The following TCTN1 variants were observed in gnomAD, a reference collection of about 807,000 sequenced individuals.
The protein encoded by TCTN1 is tectonic-1.
TCTN1 carries 58 observed loss-of-function variants against 65.8 expected under a neutral mutation model. That is an observed-to-expected ratio of 0.88 (90% CI 0.71 to 1.10). The LOEUF is 1.10. TCTN1 is among the 50% of genes least tolerant of loss of function. TCTN1 has a pLI of 0.00. For synonymous variants in TCTN1, 273 were observed against 289.1 expected (o/e 0.94, Z 0.57); for missense variants, 645 against 719.4 (o/e 0.90, Z 1.18).
Position 110,641,547 on chromosome 12 carries a change from T to G in TCTN1, c.1110T>G (p.Asn370Lys). 6.2e-7 allele frequency: 1 copy of G among 1,614,188 alleles called. No homozygotes were observed. Among genetic ancestry groups the G allele is most frequent in the Non-Finnish European group, 8.5e-7 (1 of 1,179,986 alleles). Residue 370 changes from asparagine (N) to lysine (K), a missense_variant, in exon 10 of 15, where the codon AAT (asparagine) becomes AAG (lysine). Transcript: ENST00000397659. ...ATTTCTGCATTGTCTTTCAGGAAAA[T>G]ACCCAGCCAGTCCCTCTCAGTGGAA... ...QKFEIHFLQE[N>K]TQPVPLSGNP...
At chr12:110,618,527 C>T (rs1362611182) in intron 1 of TCTN1, among the ~76,000 whole-genome samples, 1 of 152,142 alleles carries the variant, frequency 6.6e-6, no homozygotes, top group African/African-American at 2.4e-5. Context: ...GCATGAACCA[C>T]CGCGCCCAGC....
At chr12:110,647,952 G>A in intron 14 of TCTN1, 59 bp downstream of exon 14, 8 of 1,607,384 alleles carry the variant, frequency 5.0e-6, no homozygotes, top group Non-Finnish European at 6.8e-6. Context: ...GTGTGCACGT[G>A]GGGCTAGAAG....
At chr12:110,642,761 C>CT (rs879321477) in intron 11 of TCTN1, among the ~76,000 whole-genome samples, 397 of 142,482 alleles carry the variant, frequency 2.8e-3, no homozygotes, top group African/African-American at 5.5e-3. Context: ...CCACATCCGG[C>CT]TTTTTTTTTT....
chr12:110,624,754 G>T (rs1446656494), intron 2 of TCTN1, among the ~76,000 whole-genome samples: 1 of 151,490 alleles, frequency 6.6e-6, no homozygotes, highest in Admixed American at 6.6e-5. Flanking sequence ...ATTTATTTTT[G>T]TATTTTTAGT....
In TCTN1 at chr12:110,644,793, G is replaced by C; in HGVS notation, c.1332-174G>C. 1.3e-6 allele frequency: 1 copy of C among 762,114 alleles called. No homozygotes were observed. Among genetic ancestry groups the C allele is most frequent in the Admixed American group, 2.1e-5 (1 of 47,322 alleles). 47.2% of individuals were successfully genotyped at this position (762,114 alleles called of 1,614,324 possible). A position where few individuals can be genotyped will look rare whatever the true frequency, so the allele number is the denominator to read the frequency against. On this transcript the variant is annotated intron_variant, in intron 11 of 14. Transcript: ENST00000397659. This position sits in a 1 kb window ranked among gnomAD's most constrained non-coding sequence, Gnocchi z 4.6. ...CTCTGGGAGGATTGCATGAGCCCAG[G>C]AGTTTGAGGCTGCAGGGAGCTATGA... is the stretch of plus-strand genomic sequence containing the variant.
chr12:110,647,613 G>T, intron 13 of TCTN1, 136 bp from the exon 14 acceptor site: 1 of 1,343,694 alleles, frequency 7.4e-7, no homozygotes, highest in Non-Finnish European at 1.1e-6. Flanking sequence ...CAAGTTAATG[G>T]CCAATTAGTG....
At chr12:110,647,039 C>G (rs2067364725) in intron 12 of TCTN1, 157 bp from the exon 13 acceptor site, 3 of 825,708 alleles carry the variant, frequency 3.6e-6, no homozygotes, top group Non-Finnish European at 5.7e-6. Context: ...TACTTTAAAA[C>G]ACGTATATTC....
chr12:110,645,485 T>C (rs1361025512), intron 12 of TCTN1: 4 of 341,112 alleles, frequency 1.2e-5, no homozygotes, highest in Non-Finnish European at 2.3e-5. Flanking sequence ...GCTACCATCA[T>C]TGTGATTGCT....
At chr12:110,616,104 A>G (rs1015998589) in intron 1 of TCTN1, among the ~76,000 whole-genome samples, 3 of 152,152 alleles carry the variant, frequency 2.0e-5, no homozygotes, top group Admixed American at 6.6e-5. Flanking sequence ...AAGTTTTTGG[A>G]CTGGATTGTC....
Position 110,647,772 on chromosome 12 carries a change from G to A in TCTN1, c.1659G>A (p.Thr553=), listed in dbSNP as rs777278093. The part of the protein sequence containing the change: ...FPEANSGNER[T]ILISTAVTFV... ...AGGCCAACTCAGGAAATGAAAGGAC[G>A]ATTCTTATTTCCACTGCGGTTACTT... The change falls in exon 14 of 15, where the codon ACG becomes ACA. Residue 553 remains threonine (T), a synonymous_variant. Transcript: ENST00000397659. 23 of 1,614,070 alleles carry A rather than the reference G, an allele frequency of 1.4e-5. 2 individuals carry two copies. In the Middle Eastern group the frequency reaches 1.5e-3, roughly 104 times the overall value.
At chr12:110,637,897 A>G (rs971356762) in intron 7 of TCTN1, among the ~76,000 whole-genome samples, 2 of 152,042 alleles carry the variant, frequency 1.3e-5, no homozygotes, top group Non-Finnish European at 2.9e-5. Context: ...TTTAGTGATG[A>G]ATGACTAGGA....
intron 11 of TCTN1, among the ~76,000 whole-genome samples, chr12:110,642,937 G>A (rs1041328126): frequency 2.6e-5 from 4 of 152,094 alleles, no homozygotes; most frequent in African/African-American, 9.7e-5. Context: ...TGTATTTTTA[G>A]TAGAGACGGG....
chr12:110,642,111 G>C, intron 10 of TCTN1, 138 bp from the exon 11 acceptor site: 1 of 1,123,538 alleles, frequency 8.9e-7, no homozygotes, highest in Non-Finnish European at 1.3e-6. Context: ...CCTGCTCCTG[G>C]GAAATAGCTG....
In TCTN1 at chr12:110,640,607, T is replaced by C. The variant is rs2066893491; in HGVS notation, c.978+90T>C. 1 of 1,588,850 alleles carries C rather than the reference T, an allele frequency of 6.3e-7. No homozygotes were observed. Among genetic ancestry groups the C allele is most frequent in the Non-Finnish European group, 8.6e-7 (1 of 1,159,694 alleles). On this transcript the variant is annotated intron_variant, in intron 8 of 14. Coordinates refer to ENST00000397659, the MANE Select transcript of TCTN1 (RefSeq NM_001082538.3). The surrounding 1 kb of genome is among the most constrained non-coding windows in gnomAD (Gnocchi z 4.9). ...GTAACTGGACGCCCTCCGAGGACGC[T>C]CTGTCCCAGCCCATGGTGTGGCTTT... is the stretch of plus-strand genomic sequence containing the variant.
At position 110,615,397 on chromosome 12, in the gene TCTN1, G is replaced by T. The variant is rs377183834; in HGVS notation, c.220+995G>T. On this transcript the variant is annotated intron_variant, in intron 1 of 14. Transcript: ENST00000397659. Reference sequence around the variant, plus strand: ...GCAGCCGATTCTTAAAGTGGTTCATGATCTCAAAAAAAGTTTTTAAAATTT... The same window carrying T: ...GCAGCCGATTCTTAAAGTGGTTCATTATCTCAAAAAAAGTTTTTAAAATTT... Among the ~76,000 whole-genome samples, 198 of 152,268 alleles carry T rather than the reference G, an allele frequency of 1.3e-3. 1 individual carries two copies. Among genetic ancestry groups the T allele is most frequent in the African/African-American group, 4.6e-3 (191 of 41,550 alleles).
Position 110,649,208 on chromosome 12 carries a change from T to C in TCTN1, c.*167T>C. ...AAAATGTGATACATTTGATACAGTG[T>C]GGGGTGGGAGTGGATGGGCAGCTCT... On this transcript the variant is annotated 3_prime_UTR_variant, in exon 15 of 15. Coordinates refer to ENST00000397659, the MANE Select transcript of TCTN1 (RefSeq NM_001082538.3). The C allele has an allele frequency of 1.5e-6, 1 of 680,864 alleles. No homozygotes were observed. Among genetic ancestry groups the C allele is most frequent in the South Asian group, 1.6e-5 (1 of 62,358 alleles). The allele number at this position is 680,864 out of a possible 1,614,324, so 42.2% of individuals were successfully genotyped here.
chr12:110,619,850 G>T lies in TCTN1; in HGVS notation c.235G>T (p.Val79Phe), dbSNP rs1443781134. 2 of 1,614,106 alleles carry T rather than the reference G, an allele frequency of 1.2e-6. No homozygotes were observed. Among genetic ancestry groups the T allele is most frequent in the East Asian group, 4.5e-5 (2 of 44,882 alleles). The change falls in exon 2 of 15, where the codon GTC becomes TTC. Residue 79 changes from valine (V) to phenylalanine (F), a missense_variant. Transcript: ENST00000397659. ...TTTTTCTGCAGTTGCTGTTCTCTGT[G>T]TCTGTGACTTATCCCCAGCACAGTG... ...TPVTDVAVLC[V>F]CDLSPAQCDI...
In TCTN1 at chr12:110,632,470, A is replaced by G. The variant is rs2136045792; in HGVS notation, c.625-2A>G. On this transcript the variant is annotated splice_acceptor_variant, in intron 4 of 14. Transcript: ENST00000397659. LOFTEE classifies it high-confidence loss of function. ...AACGACTGTTGGTTGTTGTGTTTGC[A>G]GTATGGGGTTCCTCTGCAGACTTCA... 1.2e-6 allele frequency: 2 copies of G among 1,613,858 alleles called. No homozygotes were observed. Among genetic ancestry groups the G allele is most frequent in the Non-Finnish European group, 1.7e-6 (2 of 1,179,808 alleles).
At chr12:110,642,761 CTT>C (rs879321477) in intron 11 of TCTN1, among the ~76,000 whole-genome samples, 8 of 142,502 alleles carry the variant, frequency 5.6e-5, no homozygotes, top group Admixed American at 1.4e-4. Context: ...CCACATCCGG[CTT>C]TTTTTTTTTT....
Sources: allele counts gnomAD v4.1 joint callset (sites outside exome capture counted in the v4.1 genomes callset), GRCh38; gene constraint gnomAD v4.1.1; non-coding constraint Gnocchi (gnomAD v3.1); transcripts MANE v1.5; gene names NCBI Gene and HGNC (gene_info 2026-07-23, HGNC 2026-07-21).